Variants in CSE1L observed in about 807,000 individuals in gnomAD.
CSE1L encodes exportin-2.
CSE1L carries 24 observed loss-of-function variants against 120.4 expected under a neutral mutation model. The ratio of observed to expected loss-of-function variants is 0.20; its 90% confidence interval spans 0.14 to 0.28. The LOEUF (loss-of-function observed/expected upper bound fraction) is 0.28. Among genes scored for constraint, CSE1L ranks in the 10% least tolerant of loss-of-function variants. The pLI, the probability that CSE1L is intolerant of heterozygous loss-of-function variation, is 1.00. For missense variants in CSE1L, 830 were observed against 1,145.2 expected (o/e 0.72, Z 3.97); for synonymous variants, 402 against 398.3 (o/e 1.01, Z -0.11).
At chr20:49,053,463 A>G (rs563772614) in intron 1 of CSE1L, among the ~76,000 whole-genome samples, 8 of 144,212 alleles carry the variant, frequency 5.5e-5, no homozygotes, top group African/African-American at 1.3e-4. Flanking sequence ...GGTTCAAGCA[A>G]TTCTCCTGCC....
chr20:49,062,890 C>G (rs937551938), intron 2 of CSE1L, among the ~76,000 whole-genome samples: 1 of 151,826 alleles, frequency 6.6e-6, no homozygotes, highest in African/African-American at 2.4e-5. Context: ...TATATGAAGT[C>G]TTGAAGCCAC....
intron 5 of CSE1L, 60 bp from the exon 6 acceptor site, chr20:49,067,130 A>G (rs1022892472): frequency 1.6e-5 from 16 of 1,005,516 alleles, no homozygotes; most frequent in African/African-American, 3.2e-5. Context: ...CTCCTTGAAG[A>G]CCTAAAGTGA....
chr20:49,070,348 A>AC lies in CSE1L; in HGVS notation c.768+51_768+52insC, dbSNP rs756300498. 1.2e-4 allele frequency: 107 copies of AC among 857,182 alleles called. 1 individual carries two copies. In the Admixed American group the frequency reaches 2.5e-3, roughly 20 times the overall value. The allele number at this position is 857,182 out of a possible 1,614,324, so 53.1% of individuals were successfully genotyped here. A position where few individuals can be genotyped will look rare whatever the true frequency, so the allele number is the denominator to read the frequency against. ...TGGTCTTTTTCTTTCATTAAGAGTT[A>AC]TTTGGCTACAGTCTGGAAACCTATT... On this transcript the variant is annotated intron_variant, in intron 8 of 24. Transcript: ENST00000262982.
chr20:49,074,775 C>CT lies in CSE1L; in HGVS notation c.1067-9dup, dbSNP rs1568775943. Reference sequence around the variant, plus strand: ...TGGAGTGTTATCTGAAATATCATCTCTCCTTGTAGCTGCTGATGAAGAAGC... The same window carrying CT: ...TGGAGTGTTATCTGAAATATCATCTCTTCCTTGTAGCTGCTGATGAAGAAGC... On this transcript the variant is annotated splice_polypyrimidine_tract_variant and intron_variant, in intron 10 of 24. Coordinates refer to ENST00000262982, the MANE Select transcript of CSE1L (RefSeq NM_001316.4). The CT allele has an allele frequency of 6.2e-7, 1 of 1,609,160 alleles. No homozygotes were observed.
At chr20:49,055,625 G>C (rs750588284) in intron 1 of CSE1L, among the ~76,000 whole-genome samples, 14 of 152,154 alleles carry the variant, frequency 9.2e-5, no homozygotes, top group Non-Finnish European at 1.3e-4. Context: ...GCTGAGGTGG[G>C]AGGTTGGGGC....
intron 1 of CSE1L, among the ~76,000 whole-genome samples, chr20:49,057,669 T>C (rs2091819622): frequency 1.3e-5 from 2 of 152,112 alleles, no homozygotes; most frequent in African/African-American, 4.8e-5. Context: ...TTTGCTCTTA[T>C]CGCCCAGGCT....
intron 1 of CSE1L, among the ~76,000 whole-genome samples, chr20:49,048,385 A>G (rs6066955): frequency 0.014 from 2,086 of 152,048 alleles, 18 homozygotes; most frequent in Non-Finnish European, 0.022. Flanking sequence ...CATCCACTTA[A>G]TCTCTGGGAA....
chr20:49,060,749 C>G (rs2091846081), intron 2 of CSE1L, among the ~76,000 whole-genome samples: 1 of 151,096 alleles, frequency 6.6e-6, no homozygotes, highest in Admixed American at 6.6e-5. Flanking sequence ...GCACTCCAGC[C>G]TAGGTGACAG....
At chr20:49,053,157 T>C (rs868554440) in intron 1 of CSE1L, among the ~76,000 whole-genome samples, 1,963 of 85,776 alleles carry the variant, frequency 0.023, 49 homozygotes, top group African/African-American at 0.058. Context: ...CTTTTTTTTT[T>C]TTTTTTTTTT....
In CSE1L at chr20:49,046,345, C is replaced by CGGAGCGGCGGCA. The variant is rs1235486973; in HGVS notation, c.-82_-71dup. The CGGAGCGGCGGCA allele has an allele frequency of 1.3e-5, 2 of 152,472 alleles. No individual in the cohort carries two copies. The highest frequency in any genetic ancestry group is 1.3e-4 in the Admixed American group (2 of 15,290). 9.4% of individuals were successfully genotyped at this position (152,472 alleles called of 1,614,324 possible). A position where few individuals can be genotyped will look rare whatever the true frequency, so the allele number is the denominator to read the frequency against. The stretch of plus-strand genomic sequence containing the variant: ...ATTTTGCCGGGGTTTGAATGTGAGG[C>CGGAGCGGCGGCA]GGAGCGGCGGCAGGAGCGGGTAGTG... On this transcript the variant is annotated 5_prime_UTR_variant, in exon 1 of 25. Coordinates refer to ENST00000262982, the MANE Select transcript of CSE1L (RefSeq NM_001316.4).
At chr20:49,054,751 GA>G (rs2091793720) in intron 1 of CSE1L, among the ~76,000 whole-genome samples, 1 of 152,096 alleles carries the variant, frequency 6.6e-6, no homozygotes, top group African/African-American at 2.4e-5. Flanking sequence ...AAACCTTCAT[GA>G]CTTCCCCATA....
intron 14 of CSE1L, 117 bp from the exon 15 acceptor site, chr20:49,083,909 A>G (rs2092032884): frequency 9.4e-7 from 1 of 1,068,628 alleles, no homozygotes; most frequent in Non-Finnish European, 1.3e-6. Context: ...TCCTATTATA[A>G]CAGAGCTTAA....
intron 19 of CSE1L, 62 bp from the exon 20 acceptor site, chr20:49,090,680 G>GT: frequency 8.0e-7 from 1 of 1,243,950 alleles, no homozygotes; most frequent in Admixed American, 1.7e-5. Flanking sequence ...CATATATCAT[G>GT]TTTAACTTTT....
At chr20:49,062,181 T>C (rs921358924) in intron 2 of CSE1L, among the ~76,000 whole-genome samples, 3 of 152,180 alleles carry the variant, frequency 2.0e-5, no homozygotes, top group Non-Finnish European at 2.9e-5. Flanking sequence ...TGTTCTGTAC[T>C]CATATAAAAC....
At chr20:49,090,085 A>AT (rs1254743775) in intron 19 of CSE1L, among the ~76,000 whole-genome samples, 1 of 152,146 alleles carries the variant, frequency 6.6e-6, no homozygotes, top group African/African-American at 2.4e-5. Flanking sequence ...TGATCTCACC[A>AT]TTGCACTCCA....
chr20:49,092,557 G>A (rs1037773827), intron 22 of CSE1L, among the ~76,000 whole-genome samples: 3 of 151,542 alleles, frequency 2.0e-5, no homozygotes, highest in African/African-American at 7.3e-5. Flanking sequence ...AAAACTAACA[G>A]CAGAAAACAC....
rs1418877090 is a variant in CSE1L at position 49,058,485 on chromosome 20, C to T, written c.22C>T (p.Leu8=). 3.7e-6 allele frequency: 6 copies of T among 1,613,668 alleles called. No homozygotes were observed. The Admixed American group carries it at 8.3e-5, about 22-fold the overall frequency. The change falls in exon 2 of 25, where the codon CTG becomes TTG. Residue 8 remains leucine, a synonymous_variant. Coordinates refer to ENST00000262982, the MANE Select transcript of CSE1L (RefSeq NM_001316.4). ...AGCAATGGAACTCAGCGATGCAAAT[C>T]TGCAAACACTAACAGAATATTTAAA... The part of the protein sequence containing the change: MELSDAN[L]QTLTEYLKKT...
chr20:49,053,682 A>G (rs2091785910), intron 1 of CSE1L, among the ~76,000 whole-genome samples: 1 of 152,074 alleles, frequency 6.6e-6, no homozygotes, highest in Non-Finnish European at 1.5e-5. Flanking sequence ...CTGATCCACC[A>G]TTTCAATACA....
At chr20:49,074,675 G>A (rs550998800) in intron 10 of CSE1L, 110 bp from the exon 11 acceptor site, 3 of 757,952 alleles carry the variant, frequency 4.0e-6, no homozygotes, top group East Asian at 2.9e-5. Flanking sequence ...TGATGGGAAC[G>A]AATTCTTTGC....
Sources: allele counts gnomAD v4.1 joint callset (sites outside exome capture counted in the v4.1 genomes callset), GRCh38; gene constraint gnomAD v4.1.1; transcripts MANE v1.5; gene names NCBI Gene and HGNC (gene_info 2026-07-23, HGNC 2026-07-21).